Variants in DKK2 observed in about 807,000 individuals in gnomAD.
The protein encoded by DKK2 is dickkopf Wnt signaling pathway inhibitor 2.
Under a neutral mutation model 28.1 loss-of-function variants are expected in DKK2, and 11 were observed. The observed-to-expected ratio is 0.39, with a 90% confidence interval of 0.25 to 0.65. The LOEUF is 0.65. Ranked by LOEUF, DKK2 falls within the 30% of genes least tolerant of loss-of-function variation. The probability of loss-of-function intolerance (pLI) is 0.47; values close to 1 mark genes in which losing one functional copy is unlikely to be tolerated. For missense variants in DKK2, 326 were observed against 335.5 expected, an observed-to-expected ratio of 0.97 and a Z score of 0.22; for synonymous variants, 135 against 126.5, an observed-to-expected ratio of 1.07 and a Z score of -0.45.
intron 1 of DKK2, among the ~76,000 whole-genome samples, chr4:107,016,402 T>C (rs549617939): frequency 3.3e-5 from 5 of 151,914 alleles, no homozygotes; most frequent in Non-Finnish European, 7.4e-5. Flanking sequence ...GTTTCTAGAA[T>C]ACCAATTCTT....
chr4:106,927,386 G>A (rs1724439375), intron 1 of DKK2, among the ~76,000 whole-genome samples: 1 of 152,226 alleles, frequency 6.6e-6, no homozygotes, highest in Admixed American at 6.5e-5. Flanking sequence ...GAAATGTGAA[G>A]TTTATGTACG....
intron 1 of DKK2, among the ~76,000 whole-genome samples, chr4:107,021,977 G>A (rs1036265511): frequency 1.3e-5 from 2 of 151,986 alleles, no homozygotes; most frequent in Admixed American, 1.3e-4. Flanking sequence ...ATGAGGAAAG[G>A]TTTTTGAGGG....
intron 1 of DKK2, among the ~76,000 whole-genome samples, chr4:107,025,179 G>A (rs886285363): frequency 6.6e-6 from 1 of 152,108 alleles, no homozygotes; most frequent in Non-Finnish European, 1.5e-5. Flanking sequence ...GCTGCTTCCA[G>A]CACCCCTCAC....
At chr4:107,007,425 A>G (rs1344543965) in intron 1 of DKK2, among the ~76,000 whole-genome samples, 4 of 152,198 alleles carry the variant, frequency 2.6e-5, no homozygotes, top group Non-Finnish European at 4.4e-5. Flanking sequence ...CTTGAAAATA[A>G]TCAGAGTGAC....
intron 1 of DKK2, among the ~76,000 whole-genome samples, chr4:107,033,310 A>G (rs1301643350): frequency 3.9e-5 from 6 of 152,222 alleles, no homozygotes; most frequent in Non-Finnish European, 7.3e-5. Context: ...TAAGAAATTC[A>G]ACTCATTTGT....
At chr4:106,977,508 A>T (rs13118352) in intron 1 of DKK2, among the ~76,000 whole-genome samples, 32,161 of 151,868 alleles carry the variant, frequency 0.21, 3,640 homozygotes, top group East Asian at 0.42. Context: ...ATCTCTGATA[A>T]CCTTTCTTCC....
chr4:106,954,431 G>T (rs779046528), intron 1 of DKK2, among the ~76,000 whole-genome samples: 5 of 152,024 alleles, frequency 3.3e-5, no homozygotes, highest in Non-Finnish European at 5.9e-5. Flanking sequence ...CTATTATGTT[G>T]CACTTTAATC....
At chr4:106,925,705 G>T in intron 2 of DKK2, 94 bp downstream of exon 2, 1 of 1,459,676 alleles carries the variant, frequency 6.9e-7, no homozygotes. Flanking sequence ...TTATATTTCA[G>T]GAGTCTGAGT....
chr4:106,962,638 C>A (rs1211910925), intron 1 of DKK2, among the ~76,000 whole-genome samples: 1 of 151,116 alleles, frequency 6.6e-6, no homozygotes, highest in Non-Finnish European at 1.5e-5. Context: ...AATCTAAGAC[C>A]TGAAACTATA....
chr4:106,952,074 T>C (rs1451856701), intron 1 of DKK2, among the ~76,000 whole-genome samples: 2 of 152,190 alleles, frequency 1.3e-5, no homozygotes, highest in Admixed American at 6.6e-5. Context: ...TAAGAATTTT[T>C]ACTCTGCATT....
rs72666023 is a variant in DKK2 at position 106,980,707 on chromosome 4, G to A, written c.222+54663C>T. Among the ~76,000 whole-genome samples the A allele has an allele frequency of 6.6e-3, 1,006 of 152,228 alleles. 3 individuals carry two copies. The highest frequency in any genetic ancestry group is 0.017 in the Middle Eastern group (5 of 294). On this transcript the variant is annotated intron_variant, in intron 1 of 3. Coordinates refer to ENST00000285311, the MANE Select transcript of DKK2 (RefSeq NM_014421.3). ...GCATTATCTGTTTATTTGTCAACAT[G>A]CTTATTAAGCAGGTTTCATGTGTAA... is the stretch of plus-strand genomic sequence containing the variant.
intron 1 of DKK2, among the ~76,000 whole-genome samples, chr4:106,971,520 C>T (rs1456101348): frequency 1.3e-5 from 2 of 151,958 alleles, no homozygotes; most frequent in African/African-American, 4.8e-5. Context: ...ATAATGTAGG[C>T]CAGACCACAG....
At chr4:107,030,219 A>G (rs1723855907) in intron 1 of DKK2, among the ~76,000 whole-genome samples, 1 of 152,136 alleles carries the variant, frequency 6.6e-6, no homozygotes, top group Non-Finnish European at 1.5e-5. Context: ...CTTCTTTGAA[A>G]GAATGCTTTA....
At chr4:106,955,080 T>A (rs1314889623) in intron 1 of DKK2, among the ~76,000 whole-genome samples, 1 of 152,228 alleles carries the variant, frequency 6.6e-6, no homozygotes, top group Non-Finnish European at 1.5e-5. Context: ...GAATTTGATT[T>A]ATTCATAAAT....
At chr4:106,956,023 C>T (rs977069409) in intron 1 of DKK2, among the ~76,000 whole-genome samples, 4 of 152,128 alleles carry the variant, frequency 2.6e-5, no homozygotes, top group African/African-American at 9.7e-5. Flanking sequence ...TAGGTGTTAA[C>T]TCATCCCTAT....
intron 1 of DKK2, among the ~76,000 whole-genome samples, chr4:107,006,549 TC>T (rs981921197): frequency 3.3e-5 from 5 of 152,178 alleles, no homozygotes; most frequent in African/African-American, 1.2e-4. Flanking sequence ...CTTTAATGAC[TC>T]CAAGATCATG....
intron 1 of DKK2, among the ~76,000 whole-genome samples, chr4:106,995,689 T>C (rs967590930): frequency 4.6e-5 from 7 of 152,196 alleles, no homozygotes; most frequent in African/African-American, 1.7e-4. Context: ...CTCGGCTCAC[T>C]GCAACCTGCG....
chr4:106,974,726 GT>G (rs1307218799), intron 1 of DKK2, among the ~76,000 whole-genome samples: 1 of 151,828 alleles, frequency 6.6e-6, no homozygotes. Flanking sequence ...ATTTGAATAC[GT>G]TTTATTTCTT....
intron 1 of DKK2, among the ~76,000 whole-genome samples, chr4:106,954,236 G>A (rs1578355483): frequency 6.6e-6 from 1 of 152,258 alleles, no homozygotes; most frequent in South Asian, 2.1e-4. Context: ...TAAAAGGCAA[G>A]CTATTATCTA....
Sources: allele counts gnomAD v4.1 joint callset (sites outside exome capture counted in the v4.1 genomes callset), GRCh38; gene constraint gnomAD v4.1.1; transcripts MANE v1.5; gene names NCBI Gene and HGNC (gene_info 2026-07-23, HGNC 2026-07-21).